Variants in ACYP2 observed in about 807,000 individuals in gnomAD.
ACYP2 encodes the protein acylphosphatase 2, also known as acylphosphatase-2.
In ACYP2, 12 loss-of-function variants were observed where a neutral mutation model predicts 11.2. The observed-to-expected ratio is 1.08, with a 90% CI of 0.69 to 1.74. The LOEUF (loss-of-function observed/expected upper bound fraction) is 1.74. Ranked by LOEUF, ACYP2 falls within the 40% of genes most tolerant of loss-of-function variation. The pLI is 0.00. For synonymous variants in ACYP2, 43 were observed against 32.2 expected (o/e 1.33, Z -1.13); for missense variants, 134 against 101.9 (o/e 1.31, Z -1.35).
chr2:54,227,912 A>C (rs1686077211), intron 6 of ACYP2, among the ~76,000 whole-genome samples: 1 of 152,232 alleles, frequency 6.6e-6, no homozygotes, highest in African/African-American at 2.4e-5. Flanking sequence ...AGCTAACAAT[A>C]TTTTGGCCTG....
intron 4 of ACYP2, among the ~76,000 whole-genome samples, chr2:54,071,395 C>G (rs190941492): frequency 1.6e-3 from 243 of 152,158 alleles, no homozygotes; most frequent in Non-Finnish European, 2.9e-3. Flanking sequence ...ACAAAGGAAT[C>G]TACAAAAACT....
At chr2:54,294,109 A>G (rs1689425080) in intron 6 of ACYP2, among the ~76,000 whole-genome samples, 1 of 152,220 alleles carries the variant, frequency 6.6e-6, no homozygotes, top group Admixed American at 6.5e-5. Flanking sequence ...CTGAAGAGAC[A>G]TCTGAAAGGA....
intron 4 of ACYP2, chr2:54,084,612 A>C (rs946299553): frequency 6.6e-6 from 1 of 152,190 alleles, no homozygotes; most frequent in African/African-American, 2.4e-5. Context: ...TTTTACTCAT[A>C]AATAACTCAG....
chr2:54,131,342 T>C lies in ACYP2; in HGVS notation c.278-4111T>C, dbSNP rs74564774. 3.4e-3 allele frequency among the ~76,000 whole-genome samples: 511 copies of C among 152,350 alleles called. 4 individuals are homozygous for C. The highest frequency in any genetic ancestry group is 0.012 in the African/African-American group (492 of 41,572). On this transcript the variant is annotated intron_variant, in intron 4 of 6. Coordinates refer to ENST00000607452, the MANE Select transcript of ACYP2 (RefSeq NM_001320586.2). ...ACCCCATCACCATAGGCTAATGGTC[T>C]TTGTCATCATCAATGAATAGATGGT...
At chr2:54,236,927 A>T (rs1342084035) in intron 6 of ACYP2, among the ~76,000 whole-genome samples, 2 of 152,206 alleles carry the variant, frequency 1.3e-5, no homozygotes, top group African/African-American at 4.8e-5. Context: ...GTCCCTCCAT[A>T]TCCATAGGTT....
chr2:54,292,718 ATC>A (rs1689363134), intron 6 of ACYP2, among the ~76,000 whole-genome samples: 2 of 151,446 alleles, frequency 1.3e-5, no homozygotes, highest in Admixed American at 1.3e-4. Flanking sequence ...ACGTGTATGT[ATC>A]TCTGAATTCT....
intron 6 of ACYP2, among the ~76,000 whole-genome samples, chr2:54,150,349 C>G (rs1358483356): frequency 3.9e-5 from 6 of 152,212 alleles, no homozygotes; most frequent in Non-Finnish European, 8.8e-5. Context: ...GTAGGTCTAA[C>G]TCATCAAATG....
At chr2:54,136,933 G>A (rs769695057) in intron 5 of ACYP2, among the ~76,000 whole-genome samples, 1 of 152,044 alleles carries the variant, frequency 6.6e-6, no homozygotes, top group African/African-American at 2.4e-5. Flanking sequence ...CCGAGATGGC[G>A]CCACTGCACT....
At chr2:54,134,768 G>A (rs904781459) in intron 4 of ACYP2, among the ~76,000 whole-genome samples, 2 of 152,106 alleles carry the variant, frequency 1.3e-5, no homozygotes, top group Non-Finnish European at 2.9e-5. Context: ...TTCTTGGGTC[G>A]GGATGCAGTC....
At chr2:54,190,965 G>C (rs2103886638) in intron 6 of ACYP2, among the ~76,000 whole-genome samples, 1 of 152,174 alleles carries the variant, frequency 6.6e-6, no homozygotes, top group South Asian at 2.1e-4. Flanking sequence ...CATGAATTTT[G>C]TTTCTTTCTC....
chr2:53,985,283 G>A (rs1032046699), intron 2 of ACYP2, among the ~76,000 whole-genome samples: 1 of 152,008 alleles, frequency 6.6e-6, no homozygotes, highest in Admixed American at 6.6e-5. Flanking sequence ...TAGGCAGGAT[G>A]GTCTCGATCT....
chr2:54,126,979 C>CAA, intron 4 of ACYP2, among the ~76,000 whole-genome samples: 1 of 149,742 alleles, frequency 6.7e-6, no homozygotes, highest in South Asian at 2.1e-4. Flanking sequence ...AATTGACATG[C>CAA]AAAAAAGTAT....
chr2:54,295,918 G>A (rs1291319284), intron 6 of ACYP2, among the ~76,000 whole-genome samples: 1 of 152,086 alleles, frequency 6.6e-6, no homozygotes, highest in East Asian at 1.9e-4. Flanking sequence ...CCACCGCCAT[G>A]CCTGGCTAAT....
In ACYP2 at chr2:54,237,113, C is replaced by T. The variant is rs1278078768; in HGVS notation, c.405-67575C>T. 2.6e-5 allele frequency among the ~76,000 whole-genome samples: 4 copies of T among 152,096 alleles called. No homozygotes were observed. The East Asian group carries it at 7.7e-4, about 29-fold the overall frequency. On this transcript the variant is annotated intron_variant, in intron 6 of 6. Coordinates refer to ENST00000607452, the MANE Select transcript of ACYP2 (RefSeq NM_001320586.2). ...TAAGTAATCTAGAGATGATTTAAAA[C>T]ACATGGGAATACATTATATGCAAAT... is the stretch of plus-strand genomic sequence containing the variant.
intron 4 of ACYP2, among the ~76,000 whole-genome samples, chr2:54,097,401 A>T (rs1678649182): frequency 1.3e-5 from 2 of 152,252 alleles, no homozygotes; most frequent in African/African-American, 4.8e-5. Context: ...GTAAGTATTC[A>T]TTGAATAAAT....
chr2:54,124,038 A>G (rs927758869), intron 4 of ACYP2, among the ~76,000 whole-genome samples: 2 of 152,228 alleles, frequency 1.3e-5, no homozygotes, highest in East Asian at 3.8e-4. Context: ...TATTAAATAC[A>G]CTTCTAAACA....
intron 6 of ACYP2, among the ~76,000 whole-genome samples, chr2:54,223,254 C>T (rs1403486405): frequency 1.3e-5 from 2 of 152,186 alleles, no homozygotes; most frequent in African/African-American, 4.8e-5. Context: ...TTTTGTTCAA[C>T]TAACCTTAAA....
At chr2:54,124,105 A>G (rs902671962) in intron 4 of ACYP2, among the ~76,000 whole-genome samples, 14 of 152,262 alleles carry the variant, frequency 9.2e-5, no homozygotes, top group African/African-American at 3.4e-4. Flanking sequence ...ACATTACAAA[A>G]AGATTGTGAT....
intron 4 of ACYP2, among the ~76,000 whole-genome samples, chr2:54,076,904 T>C (rs982413203): frequency 6.6e-6 from 1 of 152,234 alleles, no homozygotes. Context: ...CTTAACTATT[T>C]TTATAAATTA....
Sources: allele counts gnomAD v4.1 joint callset (sites outside exome capture counted in the v4.1 genomes callset), GRCh38; gene constraint gnomAD v4.1.1; transcripts MANE v1.5; gene names NCBI Gene and HGNC (gene_info 2026-07-23, HGNC 2026-07-21).